Variants in BCAP29 observed in about 807,000 individuals in gnomAD.
BCAP29 encodes B cell receptor associated protein 29.
BCAP29 carries 34 observed loss-of-function variants against 31.8 expected under a neutral mutation model. The observed-to-expected ratio is 1.07, with a 90% CI of 0.81 to 1.42. The LOEUF (loss-of-function observed/expected upper bound fraction) is 1.42. Ranked by LOEUF, BCAP29 falls within the 40% of genes most tolerant of loss-of-function variation. BCAP29 has a pLI of 0.00. For synonymous variants in BCAP29, 104 were observed against 91.3 expected, an observed-to-expected ratio of 1.14 and a Z score of -0.79; for missense variants, 314 against 269.2, an observed-to-expected ratio of 1.17 and a Z score of -1.16.
At chr7:107,612,391 T>TTATATATATATATA (rs36213596) in intron 6 of BCAP29, among the ~76,000 whole-genome samples, 18 of 30,862 alleles carry the variant, frequency 5.8e-4, no homozygotes, top group East Asian at 1.1e-3. Context: ...ATGTATTGTT[T>TTATATATATATATA]TATATATATA....
chr7:107,607,325 T>C (rs1025200416), intron 6 of BCAP29, among the ~76,000 whole-genome samples: 1 of 152,068 alleles, frequency 6.6e-6, no homozygotes, highest in Non-Finnish European at 1.5e-5. Context: ...TCAAAAATAA[T>C]GTTCTCTGAT....
At chr7:107,611,550 G>A (rs927313414) in intron 6 of BCAP29, among the ~76,000 whole-genome samples, 1 of 151,998 alleles carries the variant, frequency 6.6e-6, no homozygotes, top group Non-Finnish European at 1.5e-5. Flanking sequence ...AAACTTTTTT[G>A]CTGAGCTCTG....
chr7:107,598,838 G>A (rs1810322728), intron 5 of BCAP29, among the ~76,000 whole-genome samples: 1 of 150,750 alleles, frequency 6.6e-6, no homozygotes. Flanking sequence ...TTGGGAGGCT[G>A]AGGTGAGAAG....
intron 3 of BCAP29, among the ~76,000 whole-genome samples, chr7:107,593,175 G>A (rs1056304353): frequency 3.3e-5 from 5 of 152,176 alleles, no homozygotes; most frequent in Non-Finnish European, 5.9e-5. Context: ...TCTGTTGGTC[G>A]CATGAAAGGG....
chr7:107,583,845 G>C (rs781470819), intron 2 of BCAP29, 37 bp from the exon 3 acceptor site: 1 of 1,096,122 alleles, frequency 9.1e-7, no homozygotes. Context: ...CTTTATTTTA[G>C]TTTTTTTATA....
intron 6 of BCAP29, among the ~76,000 whole-genome samples, chr7:107,608,480 T>G (rs1812565352): frequency 6.7e-6 from 1 of 150,146 alleles, no homozygotes; most frequent in Admixed American, 6.6e-5. Context: ...GTTTGTTTGT[T>G]TGTTTGTTTC....
At chr7:107,602,196 C>T (rs981273185) in intron 6 of BCAP29, among the ~76,000 whole-genome samples, 1 of 152,112 alleles carries the variant, frequency 6.6e-6, no homozygotes, top group Non-Finnish European at 1.5e-5. Context: ...TTTACCTGTT[C>T]GAGTGTGTCC....
chr7:107,604,693 T>G (rs1005650749), intron 6 of BCAP29, among the ~76,000 whole-genome samples: 18 of 151,418 alleles, frequency 1.2e-4, no homozygotes, highest in African/African-American at 4.3e-4. Context: ...TTGTTTTTTT[T>G]TTTTTGCTTT....
At chr7:107,601,519 C>T (rs1244972781) in intron 6 of BCAP29, among the ~76,000 whole-genome samples, 1 of 152,106 alleles carries the variant, frequency 6.6e-6, no homozygotes, top group Non-Finnish European at 1.5e-5. Context: ...AAATAAATTA[C>T]CCTTATAGAC....
At chr7:107,594,204 A>G (rs943339871) in intron 4 of BCAP29, 99 bp downstream of exon 4, 1 of 1,112,992 alleles carries the variant, frequency 9.0e-7, no homozygotes, top group African/African-American at 1.6e-5. Context: ...TTTTTTTTTA[A>G]GAGAGACAAC....
chr7:107,616,769 C>T (rs919773774), intron 7 of BCAP29, among the ~76,000 whole-genome samples: 1 of 152,086 alleles, frequency 6.6e-6, no homozygotes, highest in East Asian at 1.9e-4. Context: ...GACAGTGTCT[C>T]ACTCTGTCAC....
chr7:107,617,332 AATAG>A (rs1477955453), intron 7 of BCAP29, among the ~76,000 whole-genome samples: 2 of 152,192 alleles, frequency 1.3e-5, no homozygotes, highest in Non-Finnish European at 1.5e-5. Flanking sequence ...CTTTACTGTA[AATAG>A]ATCCCAATTT....
At position 107,584,126 on chromosome 7, in the gene BCAP29, A is replaced by T; in HGVS notation, c.193+144A>T. On this transcript the variant is annotated intron_variant, in intron 3 of 7. Coordinates refer to ENST00000005259, the MANE Select transcript of BCAP29 (RefSeq NM_018844.4). Reference sequence around the variant, plus strand: ...ACATAGAGTGGATACTGATCTATTGATACACAGTTGATAGATACTACCATT... The same window carrying T: ...ACATAGAGTGGATACTGATCTATTGTTACACAGTTGATAGATACTACCATT... The T allele has an allele frequency of 6.8e-6, 3 of 440,118 alleles. 1 individual carries two copies. The highest frequency in any genetic ancestry group is 4.0e-6 in the Non-Finnish European group (1 of 249,950). 27.3% of individuals were successfully genotyped at this position (440,118 alleles called of 1,614,324 possible).
intron 5 of BCAP29, among the ~76,000 whole-genome samples, chr7:107,599,010 T>TC (rs1810398448): frequency 1.7e-5 from 1 of 58,346 alleles, no homozygotes; most frequent in Non-Finnish European, 2.9e-5. Flanking sequence ...GATCTACAAA[T>TC]TTATATATAT....
chr7:107,590,686 G>A (rs1257690110), intron 3 of BCAP29, among the ~76,000 whole-genome samples: 4 of 151,898 alleles, frequency 2.6e-5, no homozygotes, highest in African/African-American at 7.3e-5. Context: ...AGGCATGGTG[G>A]CTCATGCTTG....
chr7:107,596,736 A>T (rs553264064), intron 5 of BCAP29, among the ~76,000 whole-genome samples: 2 of 152,334 alleles, frequency 1.3e-5, no homozygotes, highest in African/African-American at 4.8e-5. Flanking sequence ...AGCTCTAAGA[A>T]AATGGAAAGT....
At chr7:107,600,609 T>C in intron 6 of BCAP29, 104 bp downstream of exon 6, 1 of 614,098 alleles carries the variant, frequency 1.6e-6, no homozygotes, top group Non-Finnish European at 2.8e-6. Flanking sequence ...AATGTTCTTC[T>C]AAGATACCGA....
chr7:107,588,663 A>T (rs2129221579), intron 3 of BCAP29, among the ~76,000 whole-genome samples: 1 of 152,308 alleles, frequency 6.6e-6, no homozygotes, highest in East Asian at 1.9e-4. Context: ...ACCGCTTTCC[A>T]GTCATGTGGC....
At chr7:107,621,852 A>C (rs1340407569), downstream of BCAP29, 1 of 532,800 alleles carries the variant, frequency 1.9e-6, no homozygotes, top group African/African-American at 1.9e-5. Context: ...TATGGGAATA[A>C]ATTTATTGTT....
Sources: allele counts gnomAD v4.1 joint callset (sites outside exome capture counted in the v4.1 genomes callset), GRCh38; gene constraint gnomAD v4.1.1; transcripts MANE v1.5; gene names NCBI Gene and HGNC (gene_info 2026-07-23, HGNC 2026-07-21).